Variants in WHRN observed in about 807,000 individuals in gnomAD.
WHRN encodes the protein CASK-interacting protein CIP98.
WHRN carries 41 observed loss-of-function variants against 68.3 expected under a neutral mutation model. The ratio of observed to expected loss-of-function variants is 0.60; its 90% CI spans 0.47 to 0.78. The LOEUF is 0.78. WHRN is among the 30% of genes least tolerant of loss of function. The pLI is 0.00. For missense variants in WHRN, 1,243 were observed against 1,244.7 expected, an observed-to-expected ratio of 1.00 and a Z score of 0.02; for synonymous variants, 560 against 561.3, an observed-to-expected ratio of 1.00 and a Z score of 0.03.
At chr9:114,472,403 C>T (rs147341280) in intron 2 of WHRN, among the ~76,000 whole-genome samples, 56 of 152,366 alleles carry the variant, frequency 3.7e-4, no homozygotes, top group African/African-American at 1.3e-3. Flanking sequence ...CTCCAGCCAC[C>T]TGGAGCACTC....
chr9:114,501,810 T>C (rs184762842), intron 1 of WHRN, among the ~76,000 whole-genome samples: 1 of 152,320 alleles, frequency 6.6e-6, no homozygotes, highest in Admixed American at 6.5e-5. Context: ...CCCGACATGG[T>C]GACTCGCAGC....
At chr9:114,458,106 T>C (rs1285575912) in intron 3 of WHRN, among the ~76,000 whole-genome samples, 1 of 152,288 alleles carries the variant, frequency 6.6e-6, no homozygotes, top group East Asian at 1.9e-4. Flanking sequence ...GTTTTCCAAT[T>C]GCAAAAATAA....
At chr9:114,422,387 C>A (rs145623664) in intron 7 of WHRN, among the ~76,000 whole-genome samples, 1 of 152,318 alleles carries the variant, frequency 6.6e-6, no homozygotes, top group Non-Finnish European at 1.5e-5. Context: ...ACCTTAATAA[C>A]CAGTTGTTTC....
chr9:114,443,453 T>G (rs1005473772), intron 3 of WHRN, among the ~76,000 whole-genome samples: 2 of 152,128 alleles, frequency 1.3e-5, no homozygotes, highest in Admixed American at 6.5e-5. Context: ...CCTTCCTCCA[T>G]CTTCAAAGCC....
chr9:114,485,723 G>A (rs1337060147), intron 1 of WHRN, among the ~76,000 whole-genome samples: 1 of 151,906 alleles, frequency 6.6e-6, no homozygotes, highest in Non-Finnish European at 1.5e-5. Flanking sequence ...ATCAATTGTT[G>A]CCTGGGCACA....
chr9:114,455,640 G>A (rs1362429012), intron 3 of WHRN, among the ~76,000 whole-genome samples: 5 of 150,820 alleles, frequency 3.3e-5, no homozygotes, highest in African/African-American at 9.7e-5. Context: ...CTTGAGCCCA[G>A]GAGGTCAAGG....
At chr9:114,402,972 G>C (rs1486372204) in intron 11 of WHRN, 36 bp from the exon 12 acceptor site, 8 of 1,588,224 alleles carry the variant, frequency 5.0e-6, no homozygotes, top group Non-Finnish European at 6.8e-6. Flanking sequence ...GGGTGCCCAA[G>C]GGTTAGACAG....
At position 114,449,719 on chromosome 9, in the gene WHRN, C is replaced by A. The variant is rs1221822532; in HGVS notation, c.963+16548G>T. 2.0e-5 allele frequency among the ~76,000 whole-genome samples: 3 copies of A among 152,164 alleles called. No individual in the cohort carries two copies. The East Asian group carries it at 5.8e-4, about 29-fold the overall frequency. ...TCTTGGGAAATAAATCACCTTCCGGCTCCTTGGGAAAGACGTTCATCATCA... is the reference window on the plus strand; with the variant it reads ...TCTTGGGAAATAAATCACCTTCCGGATCCTTGGGAAAGACGTTCATCATCA... On this transcript the variant is annotated intron_variant, in intron 3 of 11. Transcript: ENST00000362057.
chr9:114,480,820 A>G (rs1478655210), intron 1 of WHRN, among the ~76,000 whole-genome samples: 1 of 152,224 alleles, frequency 6.6e-6, no homozygotes, highest in African/African-American at 2.4e-5. Flanking sequence ...ATCATGTCTT[A>G]TAGTATGAAG....
intron 3 of WHRN, among the ~76,000 whole-genome samples, chr9:114,435,213 C>T (rs7044547): frequency 6.6e-4 from 101 of 152,052 alleles, no homozygotes; most frequent in African/African-American, 2.4e-3. Context: ...AAAGTCAGTG[C>T]GCTGCACCCC....
At chr9:114,427,124 G>A (rs1367948185) in intron 3 of WHRN, among the ~76,000 whole-genome samples, 4 of 152,290 alleles carry the variant, frequency 2.6e-5, no homozygotes, top group East Asian at 3.9e-4. Context: ...GGGCACAGTC[G>A]TGTGTGCCTA....
At chr9:114,425,178 C>T in intron 4 of WHRN, 154 bp from the exon 5 acceptor site, 1 of 808,418 alleles carries the variant, frequency 1.2e-6, no homozygotes, top group Non-Finnish European at 2.2e-6. Context: ...GGGGGCTACT[C>T]AGGGGTAAAG....
intron 3 of WHRN, among the ~76,000 whole-genome samples, chr9:114,460,593 C>T (rs1022135954): frequency 6.6e-6 from 1 of 152,174 alleles, no homozygotes; most frequent in African/African-American, 2.4e-5. Context: ...TCTCAAAGGG[C>T]TGTTAGCCCC....
At chr9:114,428,518 G>A (rs1316355136) in intron 3 of WHRN, among the ~76,000 whole-genome samples, 1 of 152,124 alleles carries the variant, frequency 6.6e-6, no homozygotes, top group Non-Finnish European at 1.5e-5. Context: ...AGAGGAAACT[G>A]AGGCTCAGAA....
intron 3 of WHRN, among the ~76,000 whole-genome samples, chr9:114,427,348 G>A (rs1355549255): frequency 1.3e-5 from 2 of 152,224 alleles, no homozygotes; most frequent in Admixed American, 1.3e-4. Context: ...GACAGAAATA[G>A]AAGGGGTTGA....
intron 1 of WHRN, among the ~76,000 whole-genome samples, chr9:114,495,273 C>T (rs1387922145): frequency 6.6e-6 from 1 of 152,180 alleles, no homozygotes; most frequent in Admixed American, 6.5e-5. Flanking sequence ...AGAGAGTGTA[C>T]CCGGTCAACA....
chr9:114,427,529 TC>T (rs1564141533), intron 3 of WHRN, among the ~76,000 whole-genome samples: 1 of 152,274 alleles, frequency 6.6e-6, no homozygotes, highest in East Asian at 1.9e-4. Context: ...TTTTTCCTTT[TC>T]CCCAGTTTCC....
At chr9:114,431,912 C>T (rs1397920850) in intron 3 of WHRN, among the ~76,000 whole-genome samples, 1 of 152,218 alleles carries the variant, frequency 6.6e-6, no homozygotes, top group Non-Finnish European at 1.5e-5. Flanking sequence ...ACCGTGGAAA[C>T]ACTCATATCC....
chr9:114,488,318 A>T (rs1219644786), intron 1 of WHRN, among the ~76,000 whole-genome samples: 2 of 152,210 alleles, frequency 1.3e-5, no homozygotes, highest in East Asian at 3.8e-4. Flanking sequence ...AGTGGGTAGC[A>T]TTAGTAACAG....
Sources: gnomAD v4.1 joint callset for allele counts (sites outside exome capture counted in the v4.1 genomes callset) on GRCh38, gnomAD v4.1.1 for gene constraint, MANE v1.5 for transcripts, NCBI Gene and HGNC (gene_info 2026-07-23, HGNC 2026-07-21) for gene names.